Variants in VKORC1L1 observed in about 807,000 individuals in gnomAD.
VKORC1L1 encodes vitamin K epoxide reductase complex subunit 1L1.
A neutral mutation model predicts 18.9 loss-of-function variants in VKORC1L1; 2 were observed. The observed-to-expected ratio is 0.11, with a 90% CI of 0.04 to 0.33. VKORC1L1 has a LOEUF of 0.33. VKORC1L1 is among the 10% of genes least tolerant of loss of function. The probability of loss-of-function intolerance (pLI) is 1.00; values close to 1 mark genes in which losing one functional copy is unlikely to be tolerated. For missense variants in VKORC1L1, 123 were observed against 224.1 expected (o/e 0.55, Z 2.88); for synonymous variants, 96 against 100.0 (o/e 0.96, Z 0.24).
rs1353348724 is a variant in VKORC1L1 at position 65,941,685 on chromosome 7, T to G, written c.195-6986T>G. Reference sequence around the variant, plus strand: ...TCTTTTTCTTAAGGTTTTTTTTTTTTTTTTTTTTTTTTTGAGAGTTTTGCT... The same window carrying G: ...TCTTTTTCTTAAGGTTTTTTTTTTTGTTTTTTTTTTTTTGAGAGTTTTGCT... On this transcript the variant is annotated intron_variant, in intron 1 of 2. Transcript: ENST00000360768. Among the ~76,000 whole-genome samples the G allele has an allele frequency of 7.0e-5, 10 of 143,732 alleles. No individual in the cohort carries two copies. The South Asian group carries it at 2.4e-3, about 34-fold the overall frequency. 94.3% of individuals were successfully genotyped at this position (143,732 alleles called of 152,430 possible).
At chr7:65,935,531 G>T (rs939709205) in intron 1 of VKORC1L1, among the ~76,000 whole-genome samples, 2 of 151,834 alleles carry the variant, frequency 1.3e-5, no homozygotes, top group African/African-American at 2.4e-5. Context: ...GATGATCTTC[G>T]ATCTCCTGAC....
chr7:65,915,114 AAG>A (rs1210254550), intron 1 of VKORC1L1, among the ~76,000 whole-genome samples: 2 of 144,894 alleles, frequency 1.4e-5, no homozygotes, highest in East Asian at 4.0e-4. Context: ...TTTTTGAGAC[AAG>A]AGTCTCACTG....
chr7:65,929,682 G>GTATATATATATA lies in VKORC1L1; in HGVS notation c.195-18979_195-18968dup, dbSNP rs34648135. 4.3e-4 allele frequency among the ~76,000 whole-genome samples: 55 copies of GTATATATATATA among 128,630 alleles called. 1 individual carries two copies. The highest frequency in any genetic ancestry group is 1.5e-3 in the African/African-American group (52 of 34,478). The allele number at this position is 128,630 out of a possible 152,430, so 84.4% of individuals were successfully genotyped here. A position where few individuals can be genotyped will look rare whatever the true frequency, so the allele number is the denominator to read the frequency against. ...TGTGTGTGTGTGTATGTGTGTGTGT[G>GTATATATATATA]TATATATATATATATATATATGGTT... On this transcript the variant is annotated intron_variant, in intron 1 of 2. Transcript: ENST00000360768.
chr7:65,942,192 T>C (rs1790046144), intron 1 of VKORC1L1, among the ~76,000 whole-genome samples: 1 of 150,884 alleles, frequency 6.6e-6, no homozygotes, highest in Admixed American at 6.6e-5. Context: ...ACTGACAGAG[T>C]TTAAAGACTT....
rs76621255 is a variant in VKORC1L1, at chr7:65,920,828, G to GA, written c.195-27832dup. Among the ~76,000 whole-genome samples the GA allele has an allele frequency of 2.4e-3, 308 of 126,090 alleles. 2 individuals are homozygous for GA. Among genetic ancestry groups the GA allele is most frequent in the African/African-American group, 6.3e-3 (215 of 33,882 alleles). 82.7% of individuals were successfully genotyped at this position (126,090 alleles called of 152,430 possible). A position where few individuals can be genotyped will look rare whatever the true frequency, so the allele number is the denominator to read the frequency against. On this transcript the variant is annotated intron_variant, in intron 1 of 2. Coordinates refer to ENST00000360768, the MANE Select transcript of VKORC1L1 (RefSeq NM_173517.6). ...CTGGGCAACATAGTCCCTGTTTTTA[G>GA]AAAAAAAAAAAGACAGAAAGGAAGA...
At position 65,881,808 on chromosome 7, in the gene VKORC1L1, A is replaced by G. The variant is rs1435666780; in HGVS notation, c.194+8243A>G. Among the ~76,000 whole-genome samples the G allele has an allele frequency of 1.4e-4, 21 of 152,314 alleles. No individual in the cohort carries two copies. The South Asian group carries it at 2.3e-3, about 17-fold the overall frequency. On this transcript the variant is annotated intron_variant, in intron 1 of 2. Transcript: ENST00000360768. ...TTAAAATAAAAAGTTGGCCAGGCAC[A>G]GTGGCTCATGCCTGTAATCCCAGCA... is the stretch of plus-strand genomic sequence containing the variant.
chr7:65,892,521 T>C (rs931249366), intron 1 of VKORC1L1, among the ~76,000 whole-genome samples: 7 of 152,238 alleles, frequency 4.6e-5, no homozygotes, highest in African/African-American at 1.7e-4. Context: ...TTCTTAATTT[T>C]AATGTAGTTG....
chr7:65,921,581 G>T lies in VKORC1L1; in HGVS notation c.195-27090G>T, dbSNP rs114086832. Among the ~76,000 whole-genome samples the T allele has an allele frequency of 3.1e-3, 472 of 152,250 alleles. 2 individuals are homozygous for T. Among genetic ancestry groups the T allele is most frequent in the African/African-American group, 0.011 (459 of 41,532 alleles). On this transcript the variant is annotated intron_variant, in intron 1 of 2. Coordinates refer to ENST00000360768, the MANE Select transcript of VKORC1L1 (RefSeq NM_173517.6). ...AAAAAATTTTTGGCCGGGCACGATG[G>T]CTCACGCCTGCAATCCCAACACTTT...
chr7:65,870,976 A>C (rs1788718654), upstream of VKORC1L1, among the ~76,000 whole-genome samples: 1 of 152,080 alleles, frequency 6.6e-6, no homozygotes, highest in South Asian at 2.1e-4. Context: ...TGCAGAGACC[A>C]GGGCTCCCTA....
chr7:65,871,710 G>A (rs1223823225), upstream of VKORC1L1, among the ~76,000 whole-genome samples: 5 of 152,156 alleles, frequency 3.3e-5, no homozygotes, highest in Admixed American at 2.0e-4. Flanking sequence ...CAGCCAGAGA[G>A]GACCTCAGGC....
rs534289652 is a variant in VKORC1L1, at chr7:65,907,899, G to A, written c.194+34334G>A. ...TCCCTCATCAGTTTTTTTTTTTCCC[G>A]TATCAAAGACAACAGTTTCAATGGA... On this transcript the variant is annotated intron_variant, in intron 1 of 2. Coordinates refer to ENST00000360768, the MANE Select transcript of VKORC1L1 (RefSeq NM_173517.6). Among the ~76,000 whole-genome samples, 95 of 149,466 alleles carry A rather than the reference G, an allele frequency of 6.4e-4. 1 individual carries two copies. In the Middle Eastern group the frequency reaches 0.017, roughly 27 times the overall value.
At chr7:65,872,894 T>TG (rs1788744195), upstream of VKORC1L1, among the ~76,000 whole-genome samples, 1 of 151,968 alleles carries the variant, frequency 6.6e-6, no homozygotes, top group African/African-American at 2.4e-5. Flanking sequence ...ATCCTTGCAA[T>TG]GTGCTAGTTA....
intron 1 of VKORC1L1, among the ~76,000 whole-genome samples, chr7:65,902,835 TGA>T (rs1789341286): frequency 6.6e-6 from 1 of 151,524 alleles, no homozygotes; most frequent in African/African-American, 2.4e-5. Context: ...AAAATACAAT[TGA>T]GAGACATCTT....
chr7:65,949,043 T>C (rs1435577499), intron 2 of VKORC1L1, among the ~76,000 whole-genome samples: 5 of 152,210 alleles, frequency 3.3e-5, no homozygotes, highest in African/African-American at 1.2e-4. Context: ...ATCACTCCCA[T>C]CTTCCCTGTT....
Position 65,885,626 on chromosome 7 carries a change from G to A in VKORC1L1, c.194+12061G>A, listed in dbSNP as rs1026627658. Among the ~76,000 whole-genome samples, 5 of 152,022 alleles carry A rather than the reference G, an allele frequency of 3.3e-5. No individual in the cohort carries two copies. In the South Asian group the frequency reaches 6.2e-4, roughly 19 times the overall value. ...GTAGGGATCTAAATTTTTCCTAAAT[G>A]GATAGGCTTTTGCCTCTCTCAGTTC... On this transcript the variant is annotated intron_variant, in intron 1 of 2. Transcript: ENST00000360768.
intron 1 of VKORC1L1, among the ~76,000 whole-genome samples, chr7:65,901,983 C>T (rs1404533006): frequency 1.3e-5 from 2 of 152,148 alleles, no homozygotes; most frequent in Non-Finnish European, 2.9e-5. Flanking sequence ...TCTGGATCTA[C>T]TCTAACAATG....
chr7:65,936,303 GTTTCTC>G (rs1263710287), intron 1 of VKORC1L1, among the ~76,000 whole-genome samples: 13 of 152,128 alleles, frequency 8.5e-5, no homozygotes, highest in African/African-American at 2.9e-4. Context: ...ATCATCGTTT[GTTTCTC>G]TTGAGAACTG....
chr7:65,875,672 C>A (rs1229287810), intron 1 of VKORC1L1, among the ~76,000 whole-genome samples: 1 of 150,654 alleles, frequency 6.6e-6, no homozygotes, highest in Admixed American at 6.7e-5. Context: ...CCTCCTCGGC[C>A]TCCCAAAGTG....
Position 65,955,254 on chromosome 7 carries a change from G to A in VKORC1L1, c.*954G>A, listed in dbSNP as rs2115762818. 1 of 152,254 alleles carries A rather than the reference G, an allele frequency of 6.6e-6. No individual in the cohort carries two copies. The highest frequency in any genetic ancestry group is 2.1e-4 in the South Asian group (1 of 4,822). 9.4% of individuals were successfully genotyped at this position (152,254 alleles called of 1,614,324 possible). A position where few individuals can be genotyped will look rare whatever the true frequency, so the allele number is the denominator to read the frequency against. On this transcript the variant is annotated 3_prime_UTR_variant, in exon 3 of 3. Coordinates refer to ENST00000360768, the MANE Select transcript of VKORC1L1 (RefSeq NM_173517.6). ...TTTCATGCAGATATTTTTCCTTAAC[G>A]TTGGTGCCAGTCAAGCAAAGAGTAT...
Sources: allele counts gnomAD v4.1 joint callset (sites outside exome capture counted in the v4.1 genomes callset), GRCh38; gene constraint gnomAD v4.1.1; transcripts MANE v1.5; gene names NCBI Gene and HGNC (gene_info 2026-07-23, HGNC 2026-07-21).